The following FOXP1 variants were observed in gnomAD, a reference collection of about 807,000 sequenced individuals.
FOXP1 encodes the protein forkhead box protein P1.
A neutral mutation model predicts 98.2 loss-of-function variants in FOXP1; 15 were observed. That is an observed-to-expected ratio of 0.15 (90% CI 0.10 to 0.24). The LOEUF (loss-of-function observed/expected upper bound fraction) is 0.24, where lower values mean the gene tolerates loss of function less well. FOXP1 is among the 10% of genes least tolerant of loss of function. The pLI is 1.00. For synonymous variants in FOXP1, 371 were observed against 314.5 expected (o/e 1.18, Z -1.90); for missense variants, 633 against 848.5 (o/e 0.75, Z 3.15).
At chr3:71,528,450 T>C (rs1394803335) in intron 2 of FOXP1, among the ~76,000 whole-genome samples, 1 of 152,198 alleles carries the variant, frequency 6.6e-6, no homozygotes, top group Non-Finnish European at 1.5e-5. Context: ...AGAGCTGTGA[T>C]TGCCATCAAG....
chr3:71,580,775 C>G (rs2048101975), intron 2 of FOXP1: 1 of 985,010 alleles, frequency 1.0e-6, no homozygotes, highest in African/African-American at 1.7e-5. Context: ...GTCTTCTCAA[C>G]TCAGCTATTG....
At chr3:71,177,135 G>A (rs918109253) in intron 6 of FOXP1, among the ~76,000 whole-genome samples, 1 of 152,156 alleles carries the variant, frequency 6.6e-6, no homozygotes, top group African/African-American at 2.4e-5. Flanking sequence ...AGAAACAGAT[G>A]GAATCAGGCT....
intron 3 of FOXP1, among the ~76,000 whole-genome samples, chr3:71,402,119 A>G (rs557150739): frequency 6.6e-6 from 1 of 152,282 alleles, no homozygotes; most frequent in African/African-American, 2.4e-5. Flanking sequence ...TATTTACTCT[A>G]AAGAAGTTCT....
intron 11 of FOXP1, among the ~76,000 whole-genome samples, chr3:71,029,274 G>GT (rs1175688336): frequency 6.6e-6 from 1 of 152,210 alleles, no homozygotes; most frequent in African/African-American, 2.4e-5. Flanking sequence ...TGATGGGGAT[G>GT]TGGCAATGGA....
intron 3 of FOXP1, among the ~76,000 whole-genome samples, chr3:71,476,529 T>C (rs1281570653): frequency 1.3e-5 from 2 of 152,112 alleles, no homozygotes; most frequent in Non-Finnish European, 2.9e-5. Context: ...TAAAATTTCA[T>C]GCCATTTTGT....
chr3:71,570,329 T>C (rs1316586840), intron 2 of FOXP1: 1 of 152,080 alleles, frequency 6.6e-6, no homozygotes, highest in African/African-American at 2.4e-5. Flanking sequence ...TCTTACAATC[T>C]AGGATTATTT....
intron 4 of FOXP1, among the ~76,000 whole-genome samples, chr3:71,352,031 G>T (rs888109911): frequency 1.3e-5 from 2 of 152,120 alleles, no homozygotes; most frequent in African/African-American, 4.8e-5. Context: ...ATCAAGCAGG[G>T]CCTATTAGAT....
intron 3 of FOXP1, among the ~76,000 whole-genome samples, chr3:71,411,313 GTGTGTA>G (rs1160086381): frequency 7.0e-4 from 98 of 139,562 alleles, no homozygotes; most frequent in Middle Eastern, 7.3e-3. Flanking sequence ...GTGTGTGTGT[GTGTGTA>G]TGTGTGTGTG....
chr3:71,242,649 G>A (rs1490297178), intron 5 of FOXP1, among the ~76,000 whole-genome samples: 2 of 151,550 alleles, frequency 1.3e-5, no homozygotes, highest in Non-Finnish European at 2.9e-5. Flanking sequence ...AAAGCTTTCC[G>A]CCTAAGATTG....
At chr3:71,077,703 G>A (rs952011893) in intron 7 of FOXP1, among the ~76,000 whole-genome samples, 5 of 152,046 alleles carry the variant, frequency 3.3e-5, no homozygotes, top group African/African-American at 7.2e-5. Flanking sequence ...CATACCACTC[G>A]TCAACAAAGA....
At chr3:70,962,894 C>A (rs2033882931) in intron 20 of FOXP1, among the ~76,000 whole-genome samples, 1 of 152,024 alleles carries the variant, frequency 6.6e-6, no homozygotes, top group South Asian at 2.1e-4. Context: ...TAACCTTATC[C>A]AAAAAATCAG....
At chr3:71,156,273 C>T (rs1316206471) in intron 6 of FOXP1, among the ~76,000 whole-genome samples, 1 of 152,166 alleles carries the variant, frequency 6.6e-6, no homozygotes, top group Non-Finnish European at 1.5e-5. Context: ...TCCTCTTCCT[C>T]ATTCCTGCTC....
intron 6 of FOXP1, among the ~76,000 whole-genome samples, chr3:71,166,610 C>T (rs2061411330): frequency 6.6e-6 from 1 of 152,018 alleles, no homozygotes; most frequent in Non-Finnish European, 1.5e-5. Context: ...TCTTCTCCAG[C>T]TCTGTTTCCC....
intron 7 of FOXP1, among the ~76,000 whole-genome samples, chr3:71,088,362 C>T (rs1334618985): frequency 3.3e-5 from 5 of 151,634 alleles, no homozygotes; most frequent in Non-Finnish European, 7.4e-5. Flanking sequence ...CAGATTTCAT[C>T]GTCACACAAC....
chr3:71,089,368 C>G (rs990109025), intron 7 of FOXP1, among the ~76,000 whole-genome samples: 1 of 152,142 alleles, frequency 6.6e-6, no homozygotes, highest in Non-Finnish European at 1.5e-5. Flanking sequence ...ATCTTGGAAG[C>G]GGCTCCCCTA....
At chr3:71,286,094 T>G (rs1238106104) in intron 5 of FOXP1, among the ~76,000 whole-genome samples, 1 of 152,224 alleles carries the variant, frequency 6.6e-6, no homozygotes, top group Non-Finnish European at 1.5e-5. Context: ...CACTGTTACC[T>G]AATGTCAGTC....
At chr3:71,219,024 C>T (rs1560134091) in intron 5 of FOXP1, among the ~76,000 whole-genome samples, 1 of 152,214 alleles carries the variant, frequency 6.6e-6, no homozygotes, top group Non-Finnish European at 1.5e-5. Flanking sequence ...AAGCTAGCTC[C>T]TATTCCTGGG....
chr3:71,338,665 G>A (rs1450263234), intron 4 of FOXP1, among the ~76,000 whole-genome samples: 10 of 151,996 alleles, frequency 6.6e-5, no homozygotes, highest in East Asian at 5.8e-4. Flanking sequence ...TCCTGAACCC[G>A]CCTCGGCCTC....
At chr3:71,275,504 C>A (rs932980994) in intron 5 of FOXP1, among the ~76,000 whole-genome samples, 3 of 152,150 alleles carry the variant, frequency 2.0e-5, no homozygotes, top group African/African-American at 7.2e-5. Flanking sequence ...ACCTCATGCA[C>A]CCTACACCTG....
Sources: allele counts gnomAD v4.1 joint callset (sites outside exome capture counted in the v4.1 genomes callset), GRCh38; gene constraint gnomAD v4.1.1; transcripts MANE v1.5; gene names NCBI Gene and HGNC (gene_info 2026-07-23, HGNC 2026-07-21).